Variants in TSC22D1 observed in about 807,000 individuals in gnomAD.
TSC22D1 encodes TSC22 domain family member 1, also known as TSC22 domain family protein 1.
TSC22D1 carries 9 observed loss-of-function variants against 74.2 expected under a neutral mutation model. That is an observed-to-expected ratio of 0.12 (90% confidence interval 0.07 to 0.21). TSC22D1 has a LOEUF of 0.21. Among genes scored for constraint, TSC22D1 ranks in the 10% least tolerant of loss-of-function variants. TSC22D1 has a pLI of 1.00. For synonymous variants in TSC22D1, 586 were observed against 492.5 expected (o/e 1.19, Z -2.51); for missense variants, 1,427 against 1,304.7 (o/e 1.09, Z -1.44).
chr13:44,471,894 T>G (rs1312718928), intron 1 of TSC22D1, among the ~76,000 whole-genome samples: 6 of 152,198 alleles, frequency 3.9e-5, no homozygotes, highest in Admixed American at 3.3e-4. Flanking sequence ...AAATGTTAAA[T>G]TATGTGCTGA....
chr13:44,470,201 CT>C (rs552958686), intron 1 of TSC22D1, among the ~76,000 whole-genome samples: 5 of 152,232 alleles, frequency 3.3e-5, no homozygotes, highest in Non-Finnish European at 7.4e-5. Context: ...TGAAAGAAAA[CT>C]TCCCCCTAGT....
At chr13:44,458,635 C>T (rs1054531311) in intron 1 of TSC22D1, among the ~76,000 whole-genome samples, 14 of 152,138 alleles carry the variant, frequency 9.2e-5, no homozygotes, top group African/African-American at 2.4e-4. Context: ...CCTGTGCTCT[C>T]GGGGACCCAG....
Position 44,551,156 on chromosome 13 carries a change from G to C in TSC22D1, c.2912+22007C>G, listed in dbSNP as rs1882210444. Among the ~76,000 whole-genome samples, 5 of 151,922 alleles carry C rather than the reference G, an allele frequency of 3.3e-5. No individual in the cohort carries two copies. The South Asian group carries it at 1.0e-3, about 32-fold the overall frequency. ...CATGGTGACATGTACCTGCAGTCCTGGTTACTCAGGGAAACTGAGGTGGGA... is the reference window on the plus strand; with the variant it reads ...CATGGTGACATGTACCTGCAGTCCTCGTTACTCAGGGAAACTGAGGTGGGA... On this transcript the variant is annotated intron_variant, in intron 1 of 2. Coordinates refer to ENST00000458659, the MANE Select transcript of TSC22D1 (RefSeq NM_183422.4).
intron 1 of TSC22D1, among the ~76,000 whole-genome samples, chr13:44,475,641 G>A (rs534869706): frequency 3.9e-4 from 60 of 151,976 alleles, no homozygotes; most frequent in African/African-American, 1.4e-3. Context: ...GCAGAAATAA[G>A]CAGTATCAGG....
intron 1 of TSC22D1, among the ~76,000 whole-genome samples, chr13:44,524,093 C>G (rs1638773707): frequency 6.6e-6 from 1 of 152,078 alleles, no homozygotes; most frequent in African/African-American, 2.4e-5. Flanking sequence ...AGTAGATCCT[C>G]AATAGAGATT....
At chr13:44,479,322 ATTT>A (rs35004474) in intron 1 of TSC22D1, among the ~76,000 whole-genome samples, 17 of 134,058 alleles carry the variant, frequency 1.3e-4, no homozygotes, top group South Asian at 2.4e-4. Flanking sequence ...TCTTTCTGTG[ATTT>A]TTTTTTTTTT....
At chr13:44,520,184 C>A (rs1880243828) in intron 1 of TSC22D1, among the ~76,000 whole-genome samples, 1 of 152,094 alleles carries the variant, frequency 6.6e-6, no homozygotes, top group African/African-American at 2.4e-5. Context: ...TAACCAAGGA[C>A]CCTGCCTAAG....
intron 1 of TSC22D1, among the ~76,000 whole-genome samples, chr13:44,544,565 G>A (rs1349240209): frequency 6.7e-6 from 1 of 150,244 alleles, no homozygotes; most frequent in Non-Finnish European, 1.5e-5. Flanking sequence ...AAACCAACGG[G>A]AAGGAAGTCT....
At chr13:44,536,926 G>GAAAAAAAA (rs10596156) in intron 1 of TSC22D1, 136 of 495,044 alleles carry the variant, frequency 2.7e-4, no homozygotes, top group Admixed American at 1.6e-3. Flanking sequence ...GTATTTTTCT[G>GAAAAAAAA]AAAAAAAAAA....
At chr13:44,455,945 G>A (rs1595091115) in intron 1 of TSC22D1, among the ~76,000 whole-genome samples, 3 of 149,932 alleles carry the variant, frequency 2.0e-5, no homozygotes, top group South Asian at 2.1e-4. Context: ...AAGCCGTAAA[G>A]AAAGTCCAAA....
intron 1 of TSC22D1, among the ~76,000 whole-genome samples, chr13:44,464,367 C>T (rs936767440): frequency 6.6e-5 from 10 of 151,986 alleles, no homozygotes; most frequent in African/African-American, 2.4e-4. Context: ...GAAGTTTTAC[C>T]GAAGTCATTC....
At chr13:44,525,795 CAA>C (rs59399056) in intron 1 of TSC22D1, among the ~76,000 whole-genome samples, 11,098 of 88,442 alleles carry the variant, frequency 0.13, 868 homozygotes, top group African/African-American at 0.31. Context: ...TAGCTTTTAA[CAA>C]AAAAAAAAAA....
rs1414193897 is a variant in TSC22D1, at chr13:44,573,830, C to T, written c.2245G>A (p.Val749Ile). The change falls in exon 1 of 3, where the codon GTT becomes ATT. Residue 749 changes from valine (V) to isoleucine (I), a missense_variant. Physicochemically the swap from Val to Ile is conservative, Grantham distance 29 (BLOSUM62 3). Transcript: ENST00000458659. The stretch of plus-strand genomic sequence containing the variant: ...CCCTGCTGAATAACTGAAGGTGGAA[C>T]CTGGGTAGAGGGCTGCTGCACTGCA... ...PTAVQQPSTQ[V>I]PPSVIQQGAP... 1.9e-6 allele frequency: 3 copies of T among 1,614,206 alleles called. No individual in the cohort carries two copies. The highest frequency in any genetic ancestry group is 1.6e-4 in the Middle Eastern group (1 of 6,062).
At chr13:44,518,400 T>A (rs1028690680) in intron 1 of TSC22D1, among the ~76,000 whole-genome samples, 4 of 152,166 alleles carry the variant, frequency 2.6e-5, no homozygotes, top group African/African-American at 9.7e-5. Flanking sequence ...TAGCAAAGTA[T>A]CATGAATGCA....
chr13:44,572,805 T>C (rs1036124748), intron 1 of TSC22D1, among the ~76,000 whole-genome samples: 8 of 152,354 alleles, frequency 5.3e-5, no homozygotes, highest in Non-Finnish European at 1.2e-4. Flanking sequence ...CAAGAGATTA[T>C]TTTAGCAGCT....
intron 1 of TSC22D1, among the ~76,000 whole-genome samples, chr13:44,459,758 C>G (rs912744638): frequency 2.0e-5 from 3 of 152,232 alleles, no homozygotes; most frequent in Non-Finnish European, 2.9e-5. Flanking sequence ...AAGCCACTTA[C>G]AGTATGCCTG....
chr13:44,564,125 A>T (rs1883216467), intron 1 of TSC22D1, among the ~76,000 whole-genome samples: 1 of 152,100 alleles, frequency 6.6e-6, no homozygotes, highest in Admixed American at 6.6e-5. Context: ...TTCTGTTTTT[A>T]AAAATAGAAG....
chr13:44,510,926 T>C (rs1481587280), intron 1 of TSC22D1, among the ~76,000 whole-genome samples: 3 of 152,190 alleles, frequency 2.0e-5, no homozygotes, highest in Non-Finnish European at 2.9e-5. Context: ...AAACTCACAA[T>C]GTTTCTGAAG....
chr13:44,562,038 A>C (rs1271383669), intron 1 of TSC22D1, among the ~76,000 whole-genome samples: 1 of 152,086 alleles, frequency 6.6e-6, no homozygotes, highest in Non-Finnish European at 1.5e-5. Flanking sequence ...ACCTTTAAAA[A>C]ATTATATATA....
Sources: allele counts gnomAD v4.1 joint callset (sites outside exome capture counted in the v4.1 genomes callset), GRCh38; gene constraint gnomAD v4.1.1; transcripts MANE v1.5; gene names NCBI Gene and HGNC (gene_info 2026-07-23, HGNC 2026-07-21).